The following FAT1 variants were observed in gnomAD, a reference collection of about 807,000 sequenced individuals.
FAT1 encodes protocadherin Fat 1.
FAT1 carries 171 observed loss-of-function variants against 329.8 expected under a neutral mutation model. The ratio of observed to expected loss-of-function variants is 0.52; its 90% CI spans 0.46 to 0.59. The LOEUF (loss-of-function observed/expected upper bound fraction) is 0.59. Ranked by LOEUF, FAT1 falls within the 20% of genes least tolerant of loss-of-function variation. FAT1 has a pLI of 0.00. For synonymous variants in FAT1, 2,233 were observed against 2,228.6 expected (o/e 1.00, Z -0.06); for missense variants, 5,672 against 5,774.4 (o/e 0.98, Z 0.57).
At position 186,595,720 on chromosome 4, in the gene FAT1, G is replaced by A. The variant is rs1193467155; in HGVS notation, c.13107C>T (p.Ser4369=). 1 of 1,613,994 alleles carries A rather than the reference G, an allele frequency of 6.2e-7. No individual in the cohort carries two copies. The highest frequency in any genetic ancestry group is 8.5e-7 in the Non-Finnish European group (1 of 1,179,878). ...RESLSEVQSL[S]SFQSESCDDN... is the part of the protein sequence containing the mutation. ...CATCGCACGATTCGGACTGGAAGGAGCTCAGAGACTGCACTTCAGACAGGC... is the reference window on the plus strand; with the variant it reads ...CATCGCACGATTCGGACTGGAAGGAACTCAGAGACTGCACTTCAGACAGGC... The change falls in exon 26 of 27, where the codon AGC becomes AGT. Residue 4369 remains serine, a synonymous_variant. Coordinates refer to ENST00000441802, the MANE Select transcript of FAT1 (RefSeq NM_005245.4).
At chr4:186,685,671 A>G (rs1391774032) in intron 2 of FAT1, among the ~76,000 whole-genome samples, 2 of 152,264 alleles carry the variant, frequency 1.3e-5, no homozygotes, top group Non-Finnish European at 2.9e-5. Context: ...CAATTAAAAC[A>G]TAACTCTGAT....
At chr4:186,610,248 C>A (rs930551436) in intron 14 of FAT1, among the ~76,000 whole-genome samples, 1 of 152,022 alleles carries the variant, frequency 6.6e-6, no homozygotes, top group Non-Finnish European at 1.5e-5. Context: ...ATTTAAATTG[C>A]TTTTCCAGTC....
rs763211979 is a variant in FAT1 at position 186,708,485 on chromosome 4, T to C, written c.1343A>G (p.Lys448Arg). Residue 448 changes from lysine (K) to arginine (R), a missense_variant, in exon 2 of 27, where the codon AAG becomes AGG. Physicochemically the swap from Lys to Arg is conservative, Grantham distance 26 (BLOSUM62 2). Around this residue, in one of 2 missense-constraint regions of FAT1, gnomAD observed 3,966 missense variants for 3,915.2 expected, o/e 1.01. Transcript: ENST00000441802. ...TGCACCTAAGACTTTCACCAAGACC[T>C]TGGTGGACGCTTTTCTGTCACTTGT... ...VTTSDRKASTKVLVKVLGANS... is the reference protein window; with the variant it reads ...VTTSDRKASTRVLVKVLGANS... 4 of 1,613,986 alleles carry C rather than the reference T, an allele frequency of 2.5e-6. No homozygotes were observed. The South Asian group carries it at 3.3e-5, about 13-fold the overall frequency.
chr4:186,646,144 T>C (rs1054973323), intron 3 of FAT1, among the ~76,000 whole-genome samples: 5 of 151,980 alleles, frequency 3.3e-5, no homozygotes, highest in African/African-American at 1.2e-4. Context: ...GTCCTGGCTC[T>C]AAAGGAAGGA....
At chr4:186,695,027 A>G (rs1743960752) in intron 2 of FAT1, among the ~76,000 whole-genome samples, 1 of 152,226 alleles carries the variant, frequency 6.6e-6, no homozygotes, top group African/African-American at 2.4e-5. Flanking sequence ...GGTGAGCTCA[A>G]TTTAATCCAG....
chr4:186,663,691 G>A (rs1265633824), intron 2 of FAT1, 78 bp from the exon 3 acceptor site: 9 of 1,134,950 alleles, frequency 7.9e-6, no homozygotes, highest in Admixed American at 4.8e-5. Context: ...CAACAACTAC[G>A]GCTTACTGAG....
At chr4:186,720,030 TA>T (rs1188794798) in intron 1 of FAT1, among the ~76,000 whole-genome samples, 1 of 152,216 alleles carries the variant, frequency 6.6e-6, no homozygotes. Context: ...AACCTCTAAC[TA>T]ATTTCCTAAT....
intron 7 of FAT1, among the ~76,000 whole-genome samples, chr4:186,631,628 T>C (rs1369870255): frequency 1.3e-5 from 2 of 150,794 alleles, no homozygotes; most frequent in Admixed American, 6.6e-5. Flanking sequence ...CTGACTCCTG[T>C]GCTCTTCAAC....
chr4:186,661,857 G>A (rs574332061), intron 3 of FAT1, among the ~76,000 whole-genome samples: 2 of 152,226 alleles, frequency 1.3e-5, no homozygotes, highest in South Asian at 4.2e-4. Context: ...AGTTTCAGAG[G>A]CCTCGGCTTG....
At chr4:186,589,840 TTTTTA>T (rs1738152493) in intron 26 of FAT1, among the ~76,000 whole-genome samples, 1 of 152,328 alleles carries the variant, frequency 6.6e-6, no homozygotes, top group Admixed American at 6.5e-5. Context: ...CCAATGCAAC[TTTTTA>T]AAGTAATAAA....
At chr4:186,628,830 C>T in intron 7 of FAT1, 67 bp from the exon 8 acceptor site, 1 of 1,478,720 alleles carries the variant, frequency 6.8e-7, no homozygotes, top group Non-Finnish European at 9.1e-7. Flanking sequence ...CTTAAAGAAC[C>T]ATGAACGAAA....
rs1291277738 is a variant in FAT1 at position 186,600,197 on chromosome 4, C to A, written c.11804G>T (p.Gly3935Val). 1 of 1,614,050 alleles carries A rather than the reference C, an allele frequency of 6.2e-7. No individual in the cohort carries two copies. Among genetic ancestry groups the A allele is most frequent in the East Asian group, 2.2e-5 (1 of 44,888 alleles). The change falls in exon 22 of 27, where the codon GGC (glycine) becomes GTC (valine). Residue 3935 changes from glycine to valine, a missense_variant. By Grantham distance (109) the Gly-to-Val change is moderately radical (BLOSUM62 -3). This residue lies in a region of FAT1 where 1,706 missense variants were observed against 1,859.1 expected (regional missense o/e 0.92). Coordinates refer to ENST00000441802, the MANE Select transcript of FAT1 (RefSeq NM_005245.4). Reference sequence around the variant, plus strand: ...GGTTTTCAGAGTCCCTGGGGCTGTGCCCGATGCAGTATGAACTTGGTCTAG... The same window carrying A: ...GGTTTTCAGAGTCCCTGGGGCTGTGACCGATGCAGTATGAACTTGGTCTAG... Reference protein sequence around the residue: ...LVLDQVHTASGTAPGTLKTLN... With the variant: ...LVLDQVHTASVTAPGTLKTLN...
chr4:186,611,826 A>G (rs999442769), intron 13 of FAT1, 51 bp from the exon 14 acceptor site: 1 of 1,396,690 alleles, frequency 7.2e-7, no homozygotes, highest in Non-Finnish European at 9.6e-7. Context: ...AAAGTTTAAC[A>G]CTTTTTTTTT....
intron 7 of FAT1, among the ~76,000 whole-genome samples, chr4:186,629,454 A>C (rs1740483594): frequency 6.6e-6 from 1 of 152,364 alleles, no homozygotes; most frequent in Middle Eastern, 3.4e-3. Flanking sequence ...ACTTGGTACT[A>C]AGCTAAATTA....
In FAT1 at chr4:186,633,729, G is replaced by C; in HGVS notation, c.4278C>G (p.Asn1426Lys). The stretch of plus-strand genomic sequence containing the variant: ...TTCCATCTGTAGCCTCGACTGTGAG[G>C]TTGTAGTTTGACTTCTGTTCTGCAT... Reference protein sequence around the residue: ...PLDAEQKSNYNLTVEATDGTT... With the variant: ...PLDAEQKSNYKLTVEATDGTT... The change falls in exon 7 of 27, where the codon AAC becomes AAG. Residue 1426 changes from asparagine (N) to lysine (K), a missense_variant. By Grantham distance (94) the Asn-to-Lys change is moderately conservative. Around this residue, in one of 2 missense-constraint regions of FAT1, gnomAD observed 3,966 missense variants for 3,915.2 expected, o/e 1.01. Coordinates refer to ENST00000441802, the MANE Select transcript of FAT1 (RefSeq NM_005245.4). 6.2e-7 allele frequency: 1 copy of C among 1,613,918 alleles called. No individual in the cohort carries two copies. The highest frequency in any genetic ancestry group is 8.5e-7 in the Non-Finnish European group (1 of 1,179,882).
chr4:186,659,762 T>C (rs1269248399), intron 3 of FAT1, among the ~76,000 whole-genome samples: 1 of 145,304 alleles, frequency 6.9e-6, no homozygotes, highest in Non-Finnish European at 1.5e-5. Context: ...TGAACAACCC[T>C]GGGTGCTCCT....
At chr4:186,628,860 T>C in intron 7 of FAT1, 97 bp from the exon 8 acceptor site, 1 of 1,203,502 alleles carries the variant, frequency 8.3e-7, no homozygotes, top group Non-Finnish European at 1.1e-6. Context: ...ATTGAAACGA[T>C]ACTGTGGCAA....
rs755055292 is a variant in FAT1, at chr4:186,620,867, C to T, written c.5719G>A (p.Asp1907Asn). The change falls in exon 10 of 27, where the codon GAT becomes AAT. Residue 1907 changes from aspartate to asparagine, a missense_variant. This residue lies in a region of FAT1 where 3,966 missense variants were observed against 3,915.2 expected (regional missense o/e 1.01). Transcript: ENST00000441802. ...KVITVNATDA[D>N]SSAFSQLIYS... ...ATCAACTGTGAGAATGCACTTGAAT[C>T]AGCATCTGTAGCATTTACTGTGATG... 2 of 1,614,018 alleles carry T rather than the reference C, an allele frequency of 1.2e-6. No homozygotes were observed. Among genetic ancestry groups the T allele is most frequent in the Middle Eastern group, 1.6e-4 (1 of 6,062 alleles).
chr4:186,630,485 C>T (rs533405165), intron 7 of FAT1, among the ~76,000 whole-genome samples: 1 of 152,164 alleles, frequency 6.6e-6, no homozygotes, highest in Admixed American at 6.5e-5. Flanking sequence ...CTACACAGCT[C>T]CTTTTGGTCA....
Sources: gnomAD v4.1 joint callset for allele counts (sites outside exome capture counted in the v4.1 genomes callset) on GRCh38, gnomAD v4.1.1 for gene constraint, gnomAD v4.1.1 regional missense constraint, MANE v1.5 for transcripts, NCBI Gene and HGNC (gene_info 2026-07-23, HGNC 2026-07-21) for gene names.